RRP15: variants seen among roughly 807,000 people sequenced by gnomAD.
The protein encoded by RRP15 is ribosomal RNA processing 15 homolog, also known as RRP15-like protein.
In RRP15, 18 loss-of-function variants were observed where a neutral mutation model predicts 27.1. That is an observed-to-expected ratio of 0.66 (90% CI 0.46 to 0.98). The LOEUF (loss-of-function observed/expected upper bound fraction) is 0.98. RRP15 is among the 50% of genes least tolerant of loss of function. The pLI is 0.00. For missense variants in RRP15, 359 were observed against 337.8 expected (o/e 1.06, Z -0.49); for synonymous variants, 107 against 109.4 (o/e 0.98, Z 0.14).
rs1323722831 is a variant in RRP15, at chr1:218,331,243, A to G, written c.*152A>G. On this transcript the variant is annotated 3_prime_UTR_variant, in exon 5 of 5. Transcript: ENST00000366932. ...TTTCCCCTTTTCATGTACACTTTAT[A>G]TATACTTCATTAAAATTATATTTTA... The G allele has an allele frequency of 5.7e-6, 3 of 529,126 alleles. No individual in the cohort carries two copies. The highest frequency in any genetic ancestry group is 6.4e-6 in the Non-Finnish European group (2 of 310,676). 32.8% of individuals were successfully genotyped at this position (529,126 alleles called of 1,614,324 possible).
In RRP15 at chr1:218,335,200, C is replaced by CATA. The variant is rs574910620; in HGVS notation, c.*4112_*4114dup. ...AATATTTTTTACCTAGTCTACTGAA[C>CATA]ATAATTTCAGGGAGTTAGTATTTAG... On this transcript the variant is annotated 3_prime_UTR_variant, in exon 5 of 5. Coordinates refer to ENST00000366932, the MANE Select transcript of RRP15 (RefSeq NM_016052.4). 1 of 152,130 alleles carries CATA rather than the reference C, an allele frequency of 6.6e-6. No individual in the cohort carries two copies. The highest frequency in any genetic ancestry group is 1.5e-5 in the Non-Finnish European group (1 of 68,020). 9.4% of individuals were successfully genotyped at this position (152,130 alleles called of 1,614,324 possible). A position where few individuals can be genotyped will look rare whatever the true frequency, so the allele number is the denominator to read the frequency against.
At chr1:218,309,615 A>G (rs146126010) in intron 4 of RRP15, among the ~76,000 whole-genome samples, 4,871 of 143,088 alleles carry the variant, frequency 0.034, 255 homozygotes, top group African/African-American at 0.12. Context: ...CCCGGGAGGC[A>G]GAGGGTGCAG....
intron 4 of RRP15, among the ~76,000 whole-genome samples, chr1:218,319,693 A>T (rs1189949477): frequency 6.6e-6 from 1 of 152,150 alleles, no homozygotes; most frequent in Non-Finnish European, 1.5e-5. Flanking sequence ...TCCTTACTAG[A>T]TGCAGCTTTG....
Position 218,337,134 on chromosome 1 carries a change from A to G in RRP15, c.*6043A>G, listed in dbSNP as rs1441780329. On this transcript the variant is annotated 3_prime_UTR_variant, in exon 5 of 5. Coordinates refer to ENST00000366932, the MANE Select transcript of RRP15 (RefSeq NM_016052.4). ...GATTGGATTAATGTATGCAGTGTCT[A>G]TCTAGCACAGTGCCTGTTATGTAGT... is the stretch of plus-strand genomic sequence containing the variant. 1 of 152,234 alleles carries G rather than the reference A, an allele frequency of 6.6e-6. No individual in the cohort carries two copies. Among genetic ancestry groups the G allele is most frequent in the Non-Finnish European group, 1.5e-5 (1 of 68,040 alleles). The allele number at this position is 152,234 out of a possible 1,614,324, so 9.4% of individuals were successfully genotyped here. A position where few individuals can be genotyped will look rare whatever the true frequency, so the allele number is the denominator to read the frequency against.
chr1:218,294,020 T>C (rs1215743830), intron 1 of RRP15, among the ~76,000 whole-genome samples: 1 of 152,094 alleles, frequency 6.6e-6, no homozygotes, highest in African/African-American at 2.4e-5. Context: ...AGATTGAATT[T>C]TTGGTGAATT....
intron 1 of RRP15, among the ~76,000 whole-genome samples, chr1:218,291,528 CTTT>C (rs776529360): frequency 0.043 from 4,489 of 104,154 alleles, 55 homozygotes; most frequent in African/African-American, 0.11. Context: ...TTGAATTTTC[CTTT>C]TTTTTTTTTT....
chr1:218,304,901 A>T, intron 2 of RRP15, 127 bp from the exon 3 acceptor site: 1 of 824,524 alleles, frequency 1.2e-6, no homozygotes, highest in Non-Finnish European at 1.9e-6. Flanking sequence ...GTGTTTTTTT[A>T]AAAGCCCCTG....
At chr1:218,291,000 TGTGTGCC>T (rs72445522) in intron 1 of RRP15, among the ~76,000 whole-genome samples, 21,738 of 151,612 alleles carry the variant, frequency 0.14, 3,730 homozygotes, top group African/African-American at 0.42. Context: ...GATATGGTGG[TGTGTGCC>T]GTGTGCCTGT....
At chr1:218,317,409 G>A (rs12084399) in intron 4 of RRP15, among the ~76,000 whole-genome samples, 4,479 of 152,316 alleles carry the variant, frequency 0.029, 88 homozygotes, top group East Asian at 0.073. Context: ...AGAGAATGGT[G>A]AAGGAAGCAG....
intron 1 of RRP15, among the ~76,000 whole-genome samples, chr1:218,287,782 A>G (rs1211598766): frequency 6.6e-6 from 1 of 152,162 alleles, no homozygotes; most frequent in Non-Finnish European, 1.5e-5. Flanking sequence ...AAGTTCCCCA[A>G]ATGTCAAAAG....
chr1:218,288,329 T>C (rs796079175), intron 1 of RRP15, among the ~76,000 whole-genome samples: 3 of 152,368 alleles, frequency 2.0e-5, no homozygotes, highest in African/African-American at 7.2e-5. Flanking sequence ...CAGGCAACTT[T>C]CATGTGAGCT....
At chr1:218,330,331 G>T (rs1216889213) in intron 4 of RRP15, among the ~76,000 whole-genome samples, 1 of 152,078 alleles carries the variant, frequency 6.6e-6, no homozygotes, top group Non-Finnish European at 1.5e-5. Context: ...TTTATTGCCT[G>T]CTTCATTTAT....
chr1:218,300,382 A>T lies in RRP15; in HGVS notation c.140-1912A>T, dbSNP rs192859118. Among the ~76,000 whole-genome samples, 204 of 152,202 alleles carry T rather than the reference A, an allele frequency of 1.3e-3. 1 individual carries two copies. The highest frequency in any genetic ancestry group is 4.6e-3 in the African/African-American group (190 of 41,544). On this transcript the variant is annotated intron_variant, in intron 1 of 4. Transcript: ENST00000366932. ...GGCATGTTTTTATTTCCTACTTTCT[A>T]ATTTGTTATTAATTTTTACTTGAAA... is the stretch of plus-strand genomic sequence containing the variant.
chr1:218,323,679 G>C (rs533498132), intron 4 of RRP15, among the ~76,000 whole-genome samples: 3 of 152,198 alleles, frequency 2.0e-5, no homozygotes, highest in Non-Finnish European at 4.4e-5. Flanking sequence ...GCCAAGGAGT[G>C]CCTGCAGGTC....
intron 1 of RRP15, among the ~76,000 whole-genome samples, chr1:218,294,059 G>T (rs1655683285): frequency 6.6e-6 from 1 of 152,068 alleles, no homozygotes; most frequent in Non-Finnish European, 1.5e-5. Context: ...TTTGAAATTT[G>T]ATCATAATAA....
At position 218,335,073 on chromosome 1, in the gene RRP15, T is replaced by C. The variant is rs1656428995; in HGVS notation, c.*3982T>C. The C allele has an allele frequency of 6.6e-6, 1 of 152,224 alleles. No individual in the cohort carries two copies. The highest frequency in any genetic ancestry group is 1.5e-5 in the Non-Finnish European group (1 of 68,036). The allele number at this position is 152,224 out of a possible 1,614,324, so 9.4% of individuals were successfully genotyped here. On this transcript the variant is annotated 3_prime_UTR_variant, in exon 5 of 5. Transcript: ENST00000366932. The stretch of plus-strand genomic sequence containing the variant: ...GTTTTAATAAAATGCTAAGTTAGAA[T>C]GAATAATCATAATTATATAGATGGA...
At chr1:218,316,363 C>T (rs989671225) in intron 4 of RRP15, among the ~76,000 whole-genome samples, 26 of 152,036 alleles carry the variant, frequency 1.7e-4, no homozygotes, top group African/African-American at 5.6e-4. Flanking sequence ...AAAAATTATC[C>T]TGCACAGATG....
At chr1:218,308,128 G>T (rs1293184935) in intron 4 of RRP15, among the ~76,000 whole-genome samples, 2 of 132,522 alleles carry the variant, frequency 1.5e-5, no homozygotes, top group Non-Finnish European at 1.5e-5. Context: ...CTGGAGTGCA[G>T]TGGCGCGATC....
At chr1:218,319,870 A>G (rs1187989371) in intron 4 of RRP15, among the ~76,000 whole-genome samples, 1 of 152,110 alleles carries the variant, frequency 6.6e-6, no homozygotes, top group Non-Finnish European at 1.5e-5. Context: ...TTTATATGCT[A>G]TATAATATAG....
Sources: allele counts gnomAD v4.1 joint callset (sites outside exome capture counted in the v4.1 genomes callset), GRCh38; gene constraint gnomAD v4.1.1; transcripts MANE v1.5; gene names NCBI Gene and HGNC (gene_info 2026-07-23, HGNC 2026-07-21).